PTPN13: variants seen among roughly 807,000 people sequenced by gnomAD.
PTPN13 encodes protein tyrosine phosphatase non-receptor type 13.
PTPN13 carries 191 observed loss-of-function variants against 284.0 expected under a neutral mutation model. The ratio of observed to expected loss-of-function variants is 0.67; its 90% CI spans 0.60 to 0.76. PTPN13 has a LOEUF of 0.76. PTPN13 is among the 30% of genes least tolerant of loss of function. The pLI is 0.00. For synonymous variants in PTPN13, 986 were observed against 1,022.3 expected, an observed-to-expected ratio of 0.96 and a Z score of 0.68; for missense variants, 2,797 against 2,939.9, an observed-to-expected ratio of 0.95 and a Z score of 1.12.
chr4:86,722,700 CTTAAAG>C (rs1733804937), intron 10 of PTPN13, among the ~76,000 whole-genome samples: 1 of 151,958 alleles, frequency 6.6e-6, no homozygotes, highest in African/African-American at 2.4e-5. Context: ...ATTCATAATC[CTTAAAG>C]TTAACTAGCT....
intron 2 of PTPN13, among the ~76,000 whole-genome samples, chr4:86,658,508 T>A (rs1409595189): frequency 6.6e-6 from 1 of 152,218 alleles, no homozygotes; most frequent in East Asian, 1.9e-4. Context: ...CAGGGTTCTA[T>A]CTGGCCATCT....
At chr4:86,699,696 T>TAGTCAAGGTAGTC (rs1439516805) in intron 6 of PTPN13, among the ~76,000 whole-genome samples, 1 of 152,236 alleles carries the variant, frequency 6.6e-6, no homozygotes, top group Non-Finnish European at 1.5e-5. Context: ...GGTAGCAGGA[T>TAGTCAAGGTAGTC]AAGGCAGATG....
In PTPN13 at chr4:86,803,807, C is replaced by T. The variant is rs775806891; in HGVS notation, c.6604C>T (p.Arg2202Ter). The stretch of plus-strand genomic sequence containing the variant: ...GGGTGCCAACTTAAAATCAGTCATT[C>T]GAGTCCTGCGGGGTTTGCTAGATCA... ...YTGANLKSVI[R>*]VLRGLLDQGI... The change falls in exon 43 of 48, where the codon CGA becomes TGA. Residue 2202 changes from arginine (R) to a stop codon, truncating the protein, a stop_gained. Coordinates refer to ENST00000411767, the MANE Select transcript of PTPN13 (RefSeq NM_080683.3). LOFTEE classifies it high-confidence loss of function. 1.2e-6 allele frequency: 2 copies of T among 1,613,846 alleles called. No individual in the cohort carries two copies. The highest frequency in any genetic ancestry group is 1.7e-6 in the Non-Finnish European group (2 of 1,179,826).
chr4:86,772,657 A>G (rs1465102688), intron 31 of PTPN13, 121 bp from the exon 32 acceptor site: 1 of 767,000 alleles, frequency 1.3e-6, no homozygotes, highest in Admixed American at 2.7e-5. Context: ...ACAAAAAGTA[A>G]CTAGGATCTC....
At chr4:86,651,475 A>T (rs1030518322) in intron 2 of PTPN13, among the ~76,000 whole-genome samples, 1 of 147,584 alleles carries the variant, frequency 6.8e-6, no homozygotes, top group African/African-American at 2.5e-5. Flanking sequence ...TCTGGTTTTA[A>T]TATCAGGGTA....
intron 28 of PTPN13, 21 bp downstream of exon 28, chr4:86,767,997 A>G (rs1250446229): frequency 5.0e-6 from 8 of 1,588,536 alleles, no homozygotes; most frequent in Non-Finnish European, 6.8e-6. Context: ...GGGAGACTAC[A>G]ATCTCACCTT....
At position 86,775,261 on chromosome 4, in the gene PTPN13, C is replaced by A. The variant is rs370026732; in HGVS notation, c.5599C>A (p.Arg1867=). 84 of 1,613,270 alleles carry A rather than the reference C, an allele frequency of 5.2e-5. No individual in the cohort carries two copies. The African/African-American group carries it at 9.9e-4, about 19-fold the overall frequency. Residue 1867 remains arginine, a synonymous_variant, in exon 34 of 48, where the codon CGA becomes AGA. Transcript: ENST00000411767. ...CAAAACAGTCAGATTAGTTATTGGACGAGTTCTAGAATTACCCAGAATACC... is the reference window on the plus strand; with the variant it reads ...CAAAACAGTCAGATTAGTTATTGGAAGAGTTCTAGAATTACCCAGAATACC... ...ASKTVRLVIG[R]VLELPRIPML...
At chr4:86,718,188 T>G (rs1010834392) in intron 9 of PTPN13, among the ~76,000 whole-genome samples, 3 of 152,168 alleles carry the variant, frequency 2.0e-5, no homozygotes, top group African/African-American at 7.2e-5. Context: ...AGAGGTTGCT[T>G]GAGAATTTAC....
intron 1 of PTPN13, among the ~76,000 whole-genome samples, chr4:86,599,256 G>A (rs1764091615): frequency 6.6e-6 from 1 of 152,034 alleles, no homozygotes; most frequent in African/African-American, 2.4e-5. Flanking sequence ...AACATTTTTT[G>A]TGTTGGATTA....
intron 20 of PTPN13, among the ~76,000 whole-genome samples, chr4:86,756,756 T>C (rs1202085707): frequency 6.6e-6 from 1 of 152,188 alleles, no homozygotes; most frequent in African/African-American, 2.4e-5. Flanking sequence ...AATTACTATT[T>C]GTTTTGTGAC....
At chr4:86,778,512 A>G (rs71605617) in intron 35 of PTPN13, among the ~76,000 whole-genome samples, 12,875 of 152,238 alleles carry the variant, frequency 0.085, 681 homozygotes, top group Non-Finnish European at 0.11. Flanking sequence ...GAACAAAAGC[A>G]AAACACACAA....
intron 7 of PTPN13, among the ~76,000 whole-genome samples, chr4:86,707,136 GAGTGAGC>G (rs72316330): frequency 0.03 from 4,509 of 152,290 alleles, 93 homozygotes; most frequent in Non-Finnish European, 0.043. Context: ...TGTGAGTACA[GAGTGAGC>G]AGTACTCCCA....
intron 6 of PTPN13, among the ~76,000 whole-genome samples, chr4:86,694,967 T>A (rs1730451277): frequency 6.6e-6 from 1 of 152,176 alleles, no homozygotes; most frequent in South Asian, 2.1e-4. Flanking sequence ...TATGAGCAAC[T>A]CTAATTGTGA....
intron 7 of PTPN13, among the ~76,000 whole-genome samples, chr4:86,704,363 C>G (rs1047786874): frequency 6.6e-6 from 1 of 151,922 alleles, no homozygotes; most frequent in Non-Finnish European, 1.5e-5. Context: ...TTAATGGAAA[C>G]GTATTTAATC....
intron 2 of PTPN13, among the ~76,000 whole-genome samples, chr4:86,640,739 T>C (rs1723692875): frequency 6.6e-6 from 1 of 152,178 alleles, no homozygotes; most frequent in African/African-American, 2.4e-5. Context: ...TTTCATAATG[T>C]TAATAGAGAT....
intron 23 of PTPN13, among the ~76,000 whole-genome samples, chr4:86,759,558 T>C (rs1738421808): frequency 6.6e-6 from 1 of 152,228 alleles, no homozygotes; most frequent in African/African-American, 2.4e-5. Flanking sequence ...TTGCACAGAG[T>C]TATTTGTTAC....
intron 35 of PTPN13, among the ~76,000 whole-genome samples, chr4:86,776,234 C>T (rs1187991622): frequency 2.0e-5 from 3 of 152,210 alleles, no homozygotes; most frequent in African/African-American, 4.8e-5. Context: ...GCGTGAGCCA[C>T]CCTACCTGGC....
chr4:86,630,172 G>A (rs1481833), intron 1 of PTPN13, among the ~76,000 whole-genome samples: 32,570 of 151,990 alleles, frequency 0.21, 3,721 homozygotes, highest in East Asian at 0.29. Flanking sequence ...AATTTAGTCA[G>A]TTAACATCCC....
chr4:86,803,970 A>G (rs535468252), intron 43 of PTPN13, 113 bp downstream of exon 43: 5 of 1,144,154 alleles, frequency 4.4e-6, no homozygotes, highest in East Asian at 4.7e-5. Context: ...TTCCAACTCT[A>G]AAAGCACCAC....
Sources: gnomAD v4.1 joint callset for allele counts (sites outside exome capture counted in the v4.1 genomes callset) on GRCh38, gnomAD v4.1.1 for gene constraint, MANE v1.5 for transcripts, NCBI Gene and HGNC (gene_info 2026-07-23, HGNC 2026-07-21) for gene names.